ESRRB: variants seen among roughly 807,000 people sequenced by gnomAD.
ESRRB encodes steroid hormone receptor ERR2.
In ESRRB, 16 loss-of-function variants were observed where a neutral mutation model predicts 46.0. The observed-to-expected ratio is 0.35, with a 90% CI of 0.24 to 0.53. The LOEUF is 0.53. ESRRB is among the 20% of genes least tolerant of loss of function. The pLI is 0.93. For missense variants in ESRRB, 488 were observed against 607.4 expected, an observed-to-expected ratio of 0.80 and a Z score of 2.07; for synonymous variants, 246 against 259.6, an observed-to-expected ratio of 0.95 and a Z score of 0.50.
intron 1 of ESRRB, among the ~76,000 whole-genome samples, chr14:76,384,870 G>A (rs761241064): frequency 3.3e-5 from 5 of 150,088 alleles, no homozygotes; most frequent in Admixed American, 6.6e-5. Flanking sequence ...CTATGAGGCC[G>A]TTGTCCCTGC....
chr14:76,413,899 C>T (rs1194171553), intron 1 of ESRRB, among the ~76,000 whole-genome samples: 1 of 117,522 alleles, frequency 8.5e-6, no homozygotes, highest in African/African-American at 3.4e-5. Context: ...TGCACCGTCC[C>T]CTGCCCCTGC....
At chr14:76,357,545 C>T (rs967540376) in intron 1 of ESRRB, among the ~76,000 whole-genome samples, 4 of 152,152 alleles carry the variant, frequency 2.6e-5, no homozygotes, top group Admixed American at 1.3e-4. Flanking sequence ...ATGGGGGTCT[C>T]GCTCCCTGCC....
At chr14:76,378,893 C>T (rs535461933) in intron 1 of ESRRB, among the ~76,000 whole-genome samples, 9 of 152,224 alleles carry the variant, frequency 5.9e-5, no homozygotes, top group Admixed American at 2.0e-4. Flanking sequence ...ATTATAGTGC[C>T]GGCATTTCCC....
Position 76,499,678 on chromosome 14 carries a change from C to T in ESRRB, c.*1220C>T, listed in dbSNP as rs1890585183. The stretch of plus-strand genomic sequence containing the variant: ...CGAGCACGCCAGCTCTCTGGCAGGA[C>T]CCCTGCAGTCCCCCTGGCTGTGCCA... On this transcript the variant is annotated 3_prime_UTR_variant, in exon 7 of 7. Coordinates refer to ENST00000644823, the MANE Select transcript of ESRRB (RefSeq NM_001379180.1). The T allele has an allele frequency of 7.5e-6, 5 of 668,866 alleles. No individual in the cohort carries two copies. Among genetic ancestry groups the T allele is most frequent in the South Asian group, 6.6e-5 (4 of 60,644 alleles). The allele number at this position is 668,866 out of a possible 1,614,324, so 41.4% of individuals were successfully genotyped here.
chr14:76,323,819 G>A (rs1048801590), intron 1 of ESRRB, among the ~76,000 whole-genome samples: 3 of 152,224 alleles, frequency 2.0e-5, no homozygotes, highest in African/African-American at 7.2e-5. Context: ...TGACCCAGAG[G>A]AGGCCAATGC....
intron 2 of ESRRB, among the ~76,000 whole-genome samples, chr14:76,450,738 G>A (rs541969949): frequency 3.0e-4 from 45 of 152,106 alleles, no homozygotes; most frequent in Non-Finnish European, 1.3e-4. Flanking sequence ...CTGGATCCTG[G>A]ATCCCGGGAG....
In ESRRB at chr14:76,342,652, G is replaced by T. The variant is rs150322915; in HGVS notation, c.2+31736G>T. ...AAGACTTCTGGTTTGAATTTGGTCC[G>T]CATGAGCTTTGATTTCCCCATCTGT... On this transcript the variant is annotated intron_variant, in intron 1 of 6. Transcript: ENST00000512784. 4.6e-3 allele frequency among the ~76,000 whole-genome samples: 704 copies of T among 152,278 alleles called. 5 individuals carry two copies. The highest frequency in any genetic ancestry group is 0.016 in the African/African-American group (671 of 41,550).
chr14:76,358,186 C>T (rs1884406858), intron 1 of ESRRB, among the ~76,000 whole-genome samples: 1 of 151,356 alleles, frequency 6.6e-6, no homozygotes. Flanking sequence ...GTGGCGGGCG[C>T]CTGTAATCCC....
chr14:76,480,381 G>T (rs545315536), intron 3 of ESRRB, among the ~76,000 whole-genome samples: 1 of 152,218 alleles, frequency 6.6e-6, no homozygotes, highest in African/African-American at 2.4e-5. Context: ...GGCAGCAGAG[G>T]GGTGGGGGGT....
intron 2 of ESRRB, among the ~76,000 whole-genome samples, chr14:76,459,082 T>A (rs1888743905): frequency 6.6e-6 from 1 of 152,156 alleles, no homozygotes; most frequent in Non-Finnish European, 1.5e-5. Context: ...TGACCTCAGA[T>A]GATCTGACTG....
At chr14:76,383,911 G>A (rs7150871) in intron 1 of ESRRB, among the ~76,000 whole-genome samples, 3,073 of 152,230 alleles carry the variant, frequency 0.02, 105 homozygotes, top group African/African-American at 0.07. Context: ...TATCTGAGGC[G>A]CGTGGTGATA....
At chr14:76,437,633 G>T (rs1887730898) in intron 1 of ESRRB, among the ~76,000 whole-genome samples, 1 of 152,142 alleles carries the variant, frequency 6.6e-6, no homozygotes, top group South Asian at 2.1e-4. Flanking sequence ...CTCCATAGGG[G>T]GAGGCTCAGG....
chr14:76,468,302 C>T (rs1889208300), intron 3 of ESRRB, among the ~76,000 whole-genome samples: 1 of 151,934 alleles, frequency 6.6e-6, no homozygotes, highest in Non-Finnish European at 1.5e-5. Flanking sequence ...CAACTCTTTA[C>T]CACTTTATAG....
chr14:76,415,839 A>C lies in ESRRB; in HGVS notation c.51-23502A>C, dbSNP rs116844641. Among the ~76,000 whole-genome samples, 21 of 152,162 alleles carry C rather than the reference A, an allele frequency of 1.4e-4. 1 individual carries two copies. The East Asian group carries it at 3.9e-3, about 28-fold the overall frequency. On this transcript the variant is annotated intron_variant, in intron 1 of 6. Coordinates refer to ENST00000644823, the MANE Select transcript of ESRRB (RefSeq NM_001379180.1). ...TCTTTTCATTTTCTTTTTAATCCCCACAGCAACACTCTAAGTAAAAGGATA... is the reference window on the plus strand; with the variant it reads ...TCTTTTCATTTTCTTTTTAATCCCCCCAGCAACACTCTAAGTAAAAGGATA...
rs750164595 is a variant in ESRRB, at chr14:76,462,550, A to G, written c.466A>G (p.Ile156Val). Reference protein sequence around the residue: ...AFFKRTIQGNIEYSCPATNEC... With the variant: ...AFFKRTIQGNVEYSCPATNEC... ...CTCTCTGTGTCTGGTTGCAGGGAACATTGAGTACAGCTGCCCGGCCACCAA... is the reference window on the plus strand; with the variant it reads ...CTCTCTGTGTCTGGTTGCAGGGAACGTTGAGTACAGCTGCCCGGCCACCAA... The change falls in exon 3 of 7, where the codon ATT becomes GTT. Residue 156 changes from isoleucine (I) to valine (V), a missense_variant. Coordinates refer to ENST00000644823, the MANE Select transcript of ESRRB (RefSeq NM_001379180.1). 6 of 1,613,706 alleles carry G rather than the reference A, an allele frequency of 3.7e-6. No homozygotes were observed. In the East Asian group the frequency reaches 8.9e-5, roughly 24 times the overall value.
intron 1 of ESRRB, among the ~76,000 whole-genome samples, chr14:76,400,672 A>C (rs900604729): frequency 6.6e-6 from 1 of 152,202 alleles, no homozygotes; most frequent in Non-Finnish European, 1.5e-5. Flanking sequence ...CCACTGGCCT[A>C]GAACCCAGAA....
intron 1 of ESRRB, among the ~76,000 whole-genome samples, chr14:76,421,024 C>T (rs1291553793): frequency 1.3e-5 from 2 of 152,236 alleles, no homozygotes; most frequent in Non-Finnish European, 2.9e-5. Context: ...TTCCTTGGGG[C>T]CCGGTGCTGG....
intron 1 of ESRRB, among the ~76,000 whole-genome samples, chr14:76,331,920 C>T (rs1400660109): frequency 3.9e-5 from 6 of 151,914 alleles, no homozygotes; most frequent in Non-Finnish European, 1.5e-5. Flanking sequence ...GTGCCCAGCG[C>T]CCAGTCATCT....
rs866036295 is a variant in ESRRB, at chr14:76,333,105, A to T, written c.2+22189A>T. ...TTATTTATATTATATATTATATATA[A>T]TATATAATATATAATATATATATTA... On this transcript the variant is annotated intron_variant, in intron 1 of 6. Coordinates refer to the ESRRB transcript ENST00000512784. 3.1e-4 allele frequency among the ~76,000 whole-genome samples: 2 copies of T among 6,426 alleles called. 1 individual carries two copies. Among genetic ancestry groups the T allele is most frequent in the Non-Finnish European group, 6.0e-4 (2 of 3,312 alleles). 4.2% of individuals were successfully genotyped at this position (6,426 alleles called of 152,430 possible). A position where few individuals can be genotyped will look rare whatever the true frequency, so the allele number is the denominator to read the frequency against.
Sources: allele counts gnomAD v4.1 joint callset (sites outside exome capture counted in the v4.1 genomes callset), GRCh38; gene constraint gnomAD v4.1.1; transcripts MANE v1.5; gene names NCBI Gene and HGNC (gene_info 2026-07-23, HGNC 2026-07-21).